ZNF90: variants seen among roughly 807,000 people sequenced by gnomAD.
ZNF90 encodes zinc finger protein 90.
In ZNF90, 11 loss-of-function variants were observed where a neutral mutation model predicts 12.0. The observed-to-expected ratio is 0.92, with a 90% CI of 0.58 to 1.52. The LOEUF is 1.52. Ranked by LOEUF, ZNF90 falls within the 40% of genes most tolerant of loss-of-function variation. The pLI is 0.00. For synonymous variants in ZNF90, 232 were observed against 240.1 expected (o/e 0.97, Z 0.31); for missense variants, 765 against 711.5 (o/e 1.08, Z -0.86).
chr19:20,116,229 G>T (rs2089136135), intron 3 of ZNF90, among the ~76,000 whole-genome samples: 1 of 152,082 alleles, frequency 6.6e-6, no homozygotes, highest in Admixed American at 6.6e-5. Context: ...CAGTGCAGTG[G>T]TACAATCTCC....
intron 3 of ZNF90, among the ~76,000 whole-genome samples, chr19:20,111,798 A>G (rs1427972953): frequency 2.6e-5 from 4 of 152,114 alleles, no homozygotes; most frequent in African/African-American, 9.7e-5. Flanking sequence ...CTATGCCTCT[A>G]TATTTTCAGC....
At chr19:20,090,192 T>C (rs140501073) in intron 1 of ZNF90, among the ~76,000 whole-genome samples, 2,262 of 152,072 alleles carry the variant, frequency 0.015, 54 homozygotes, top group African/African-American at 0.052. Flanking sequence ...GAATGGAGAA[T>C]AGGAGTATGA....
At chr19:20,106,510 A>G (rs2089039744) in intron 3 of ZNF90, among the ~76,000 whole-genome samples, 1 of 152,320 alleles carries the variant, frequency 6.6e-6, no homozygotes, top group Non-Finnish European at 1.5e-5. Flanking sequence ...GCTGGAGTGC[A>G]GTGGCGCGAT....
chr19:20,095,762 G>A (rs1279394995), intron 1 of ZNF90, among the ~76,000 whole-genome samples: 5 of 152,072 alleles, frequency 3.3e-5, no homozygotes, highest in Non-Finnish European at 7.4e-5. Context: ...TTGCCGCTAA[G>A]GGTGAAGGAG....
chr19:20,089,143 G>A (rs191869788), intron 1 of ZNF90, among the ~76,000 whole-genome samples: 40 of 152,288 alleles, frequency 2.6e-4, no homozygotes, highest in African/African-American at 9.6e-4. Context: ...CAGCTAGGGC[G>A]GCAGCTGTCA....
At chr19:20,082,470 C>T (rs145391782) in intron 1 of ZNF90, among the ~76,000 whole-genome samples, 72 of 152,260 alleles carry the variant, frequency 4.7e-4, no homozygotes, top group Middle Eastern at 3.4e-3. Context: ...TAACCCTACC[C>T]GCTACCCTGT....
intron 3 of ZNF90, among the ~76,000 whole-genome samples, chr19:20,113,664 T>C (rs529885795): frequency 6.6e-6 from 1 of 152,020 alleles, no homozygotes; most frequent in East Asian, 2.0e-4. Context: ...CCGTCTGTAC[T>C]AAAAATACAA....
chr19:20,087,928 G>A (rs1380159206), intron 1 of ZNF90, among the ~76,000 whole-genome samples: 1 of 152,152 alleles, frequency 6.6e-6, no homozygotes, highest in Non-Finnish European at 1.5e-5. Context: ...GCCAGGATGA[G>A]CCAGGAAAAG....
chr19:20,100,087 T>A (rs1360727044), intron 1 of ZNF90, among the ~76,000 whole-genome samples: 5 of 152,162 alleles, frequency 3.3e-5, no homozygotes, highest in Non-Finnish European at 7.4e-5. Flanking sequence ...ACCCCTAGTA[T>A]GGGGTAATCC....
chr19:20,113,784 C>G (rs534699782), intron 3 of ZNF90, among the ~76,000 whole-genome samples: 2 of 151,804 alleles, frequency 1.3e-5, no homozygotes, highest in Non-Finnish European at 2.9e-5. Flanking sequence ...GCGGAGATCG[C>G]GCCACTGCAC....
intron 1 of ZNF90, among the ~76,000 whole-genome samples, chr19:20,083,128 A>G (rs2088833214): frequency 1.3e-5 from 2 of 152,036 alleles, no homozygotes; most frequent in Non-Finnish European, 2.9e-5. Flanking sequence ...TGATCAGTAA[A>G]TAACTAGGGA....
In ZNF90 at chr19:20,119,436, A is replaced by G; in HGVS notation, c.*76A>G. The G allele has an allele frequency of 7.4e-7, 1 of 1,353,518 alleles. No individual in the cohort carries two copies. Among genetic ancestry groups the G allele is most frequent in the Non-Finnish European group, 1.0e-6 (1 of 999,782 alleles). 83.8% of individuals were successfully genotyped at this position (1,353,518 alleles called of 1,614,324 possible). A position where few individuals can be genotyped will look rare whatever the true frequency, so the allele number is the denominator to read the frequency against. On this transcript the variant is annotated 3_prime_UTR_variant, in exon 4 of 4. Transcript: ENST00000418063. The stretch of plus-strand genomic sequence containing the variant: ...CCGTATAAATGTGATGACTGTTGGA[A>G]AGCCTTTGACCACCCCTCTACTCTT...
In ZNF90 at chr19:20,105,267, A is replaced by G; in HGVS notation, c.177A>G (p.Gly59=). The stretch of plus-strand genomic sequence containing the variant: ...ACCTGATCACCTGTCTGGAGCAAGG[A>G]AAAAAACCCTTCACTGTGAAGAGAC... ...KPDLITCLEQ[G]KKPFTVKRHE... Residue 59 remains glycine, a synonymous_variant, in exon 3 of 4, where the codon GGA becomes GGG. Coordinates refer to ENST00000418063, the MANE Select transcript of ZNF90 (RefSeq NM_007138.2). 6 of 1,606,126 alleles carry G rather than the reference A, an allele frequency of 3.7e-6. No individual in the cohort carries two copies. Among genetic ancestry groups the G allele is most frequent in the Non-Finnish European group, 5.1e-6 (6 of 1,175,832 alleles).
intron 1 of ZNF90, chr19:20,087,313 G>A (rs2088866904): frequency 6.6e-6 from 1 of 152,266 alleles, no homozygotes; most frequent in Non-Finnish European, 1.5e-5. Context: ...TGGAGATAAT[G>A]TTTTTCTCTC....
chr19:20,091,062 T>C (rs1012155699), intron 1 of ZNF90, among the ~76,000 whole-genome samples: 3 of 152,140 alleles, frequency 2.0e-5, no homozygotes, highest in Admixed American at 6.5e-5. Context: ...CGAGGAATTA[T>C]GTCTGACAGA....
chr19:20,099,935 A>G (rs2088976514), intron 1 of ZNF90, among the ~76,000 whole-genome samples: 2 of 152,220 alleles, frequency 1.3e-5, no homozygotes, highest in South Asian at 4.1e-4. Context: ...TTGGCTGTAC[A>G]GAAACCTAAA....
rs1415112736 is a variant in ZNF90, at chr19:20,120,195, A to G, written c.*835A>G. Among the ~76,000 whole-genome samples the G allele has an allele frequency of 6.6e-6, 1 of 152,230 alleles. No individual in the cohort carries two copies. The highest frequency in any genetic ancestry group is 1.5e-5 in the Non-Finnish European group (1 of 68,044). On this transcript the variant is annotated 3_prime_UTR_variant, in exon 4 of 4. Transcript: ENST00000418063. ...TAGTATCCTTGAGAAAAATTGCACA[A>G]TTATAAAAAATATGGAAAACCCATT...
At chr19:20,097,454 T>A (rs1198279845) in intron 1 of ZNF90, among the ~76,000 whole-genome samples, 1 of 152,200 alleles carries the variant, frequency 6.6e-6, no homozygotes, top group African/African-American at 2.4e-5. Flanking sequence ...CAGATTTCTA[T>A]AAATTTCACA....
At chr19:20,111,140 G>C (rs782803203) in intron 3 of ZNF90, among the ~76,000 whole-genome samples, 3 of 152,084 alleles carry the variant, frequency 2.0e-5, no homozygotes, top group Non-Finnish European at 2.9e-5. Context: ...GGATTTGTTA[G>C]TTATTTTATT....
Sources: allele counts gnomAD v4.1 joint callset (sites outside exome capture counted in the v4.1 genomes callset), GRCh38; gene constraint gnomAD v4.1.1; transcripts MANE v1.5; gene names NCBI Gene and HGNC (gene_info 2026-07-23, HGNC 2026-07-21).